Variants in LRRC37A2 observed in about 807,000 individuals in gnomAD.
LRRC37A2 encodes leucine-rich repeat-containing protein 37A2.
A neutral mutation model predicts 68.8 loss-of-function variants in LRRC37A2; 9 were observed. The ratio of observed to expected loss-of-function variants is 0.13; its 90% confidence interval spans 0.08 to 0.23. The LOEUF (loss-of-function observed/expected upper bound fraction) is 0.23. LRRC37A2 is among the 10% of genes least tolerant of loss of function. The pLI, the probability that LRRC37A2 is intolerant of heterozygous loss-of-function variation, is 1.00. For synonymous variants in LRRC37A2, 63 were observed against 367.6 expected, an observed-to-expected ratio of 0.17 and a Z score of 9.48; for missense variants, 168 against 950.4, an observed-to-expected ratio of 0.18 and a Z score of 10.82.
At chr17:46,863,866 G>T in the LRRC37A2 span, among the ~76,000 whole-genome samples, 1 of 152,158 alleles carries the variant, frequency 6.6e-6, no homozygotes, top group Non-Finnish European at 1.5e-5. Context: ...ATCCATCCCA[G>T]GGGGTGTCCT....
the LRRC37A2 span, among the ~76,000 whole-genome samples, chr17:46,974,140 G>A: frequency 6.6e-6 from 1 of 152,320 alleles, no homozygotes; most frequent in South Asian, 2.1e-4. Context: ...TACTATCCCC[G>A]ACTCAGAGGA....
At chr17:46,816,473 A>AAG in the LRRC37A2 span, among the ~76,000 whole-genome samples, 4 of 77,412 alleles carry the variant, frequency 5.2e-5, no homozygotes, top group African/African-American at 6.9e-5. Flanking sequence ...CCCAGAACAC[A>AAG]CGCACACACA....
At chr17:46,865,386 C>T in the LRRC37A2 span, among the ~76,000 whole-genome samples, 1,073 of 152,136 alleles carry the variant, frequency 7.1e-3, 20 homozygotes, top group Admixed American at 0.042. Flanking sequence ...CAGCTGGACC[C>T]GGCTCTTTCC....
the LRRC37A2 span, among the ~76,000 whole-genome samples, chr17:46,493,361 A>G: frequency 8.4e-6 from 1 of 119,172 alleles, no homozygotes; most frequent in African/African-American, 3.5e-5. Context: ...TGGGGTTTTG[A>G]TATGTTGCCC....
the LRRC37A2 span, among the ~76,000 whole-genome samples, chr17:47,035,681 C>G: frequency 6.6e-6 from 1 of 152,240 alleles, no homozygotes; most frequent in Non-Finnish European, 1.5e-5. Flanking sequence ...GCATCCCTAG[C>G]AGAATTGCTA....
the LRRC37A2 span, chr17:46,941,062 C>G: frequency 9.3e-7 from 1 of 1,079,480 alleles, no homozygotes; most frequent in Non-Finnish European, 1.1e-6. Flanking sequence ...CGGTAGCCAG[C>G]CTCTGTGACC....
the LRRC37A2 span, chr17:46,851,701 C>T: frequency 2.3e-6 from 3 of 1,310,742 alleles, no homozygotes; most frequent in South Asian, 2.3e-5. The surrounding 1 kb of genome is among the most constrained non-coding windows in gnomAD (Gnocchi z 4.3). Flanking sequence ...CCGCCGCCGC[C>T]GCCTCCTACT....
chr17:46,549,102 C>G lies in LRRC37A2; in HGVS notation c.3963C>G (p.Val1321=), dbSNP rs372043932. 8.7e-6 allele frequency: 14 copies of G among 1,611,740 alleles called. No individual in the cohort carries two copies. The African/African-American group carries it at 1.6e-4, about 19-fold the overall frequency. The change falls in exon 10 of 15, where the codon GTC becomes GTG. Residue 1321 remains valine, a synonymous_variant. Coordinates refer to ENST00000576629, the Ensembl canonical transcript of LRRC37A2. ...ACGTGACCCACAGAACACCCAAAGTCAAAAAGAGTCCAAAGGTCAGAAAGA... is the reference window on the plus strand; with the variant it reads ...ACGTGACCCACAGAACACCCAAAGTGAAAAAGAGTCCAAAGGTCAGAAAGA...
the LRRC37A2 span, among the ~76,000 whole-genome samples, chr17:46,757,825 C>G: frequency 6.6e-6 from 1 of 151,932 alleles, no homozygotes; most frequent in African/African-American, 2.4e-5. Context: ...GAAACCCTGT[C>G]TCTACTAAAA....
chr17:46,918,250 T>G, the LRRC37A2 span, among the ~76,000 whole-genome samples: 1 of 152,210 alleles, frequency 6.6e-6, no homozygotes, highest in Non-Finnish European at 1.5e-5. Flanking sequence ...CAGCTAGTTT[T>G]TGTATTTTTA....
the LRRC37A2 span, among the ~76,000 whole-genome samples, chr17:46,880,744 A>G: frequency 1.3e-5 from 2 of 152,236 alleles, no homozygotes; most frequent in South Asian, 4.1e-4. Context: ...GTACACTGGT[A>G]TAGGTCGGGC....
the LRRC37A2 span, among the ~76,000 whole-genome samples, chr17:46,808,861 A>G: frequency 6.6e-6 from 1 of 151,886 alleles, no homozygotes; most frequent in African/African-American, 2.4e-5. Context: ...GCTCATCTCC[A>G]CTCCTGGGAC....
chr17:46,875,141 C>T, the LRRC37A2 span: 31 of 1,613,874 alleles, frequency 1.9e-5, no homozygotes, highest in African/African-American at 1.7e-4. Flanking sequence ...TGTCCTCTGC[C>T]GCCCTCACCC....
the LRRC37A2 span, among the ~76,000 whole-genome samples, chr17:46,962,746 A>T: frequency 1.3e-5 from 2 of 152,236 alleles, no homozygotes; most frequent in Non-Finnish European, 2.9e-5. Context: ...TCCTGTCAGT[A>T]TCACGTGCAG....
the LRRC37A2 span, chr17:47,019,163 C>T: frequency 7.4e-7 from 1 of 1,353,190 alleles, no homozygotes. Context: ...AGCATTCACA[C>T]CTGACTCGAG....
the LRRC37A2 span, among the ~76,000 whole-genome samples, chr17:46,991,861 G>C: frequency 6.6e-6 from 1 of 152,096 alleles, no homozygotes; most frequent in African/African-American, 2.4e-5. Flanking sequence ...CTGCTTTTTT[G>C]CCATAATGGC....
chr17:46,599,925 G>T, the LRRC37A2 span, among the ~76,000 whole-genome samples: 3 of 120,100 alleles, frequency 2.5e-5, no homozygotes, highest in Non-Finnish European at 3.3e-5. Flanking sequence ...ACTCTTCTTT[G>T]TATTGCTCCT....
At chr17:47,017,507 T>C in the LRRC37A2 span, 10 of 1,576,544 alleles carry the variant, frequency 6.3e-6, no homozygotes, top group Non-Finnish European at 8.7e-6. Flanking sequence ...CGACTGAAAA[T>C]TTGGTTCCAT....
chr17:46,771,710 C>A, the LRRC37A2 span, among the ~76,000 whole-genome samples: 3 of 143,316 alleles, frequency 2.1e-5, no homozygotes, highest in African/African-American at 7.5e-5. Flanking sequence ...GCCGCGCCCC[C>A]GGCCCCGGCG....
Sources: gnomAD v4.1 joint callset for allele counts (sites outside exome capture counted in the v4.1 genomes callset) on GRCh38, gnomAD v4.1.1 for gene constraint, Gnocchi (gnomAD v3.1) non-coding constraint, MANE v1.5 for transcripts, NCBI Gene and HGNC (gene_info 2026-07-23, HGNC 2026-07-21) for gene names.